BFSP2: variants seen among roughly 807,000 people sequenced by gnomAD.
The protein encoded by BFSP2 is beaded filament structural protein 2.
BFSP2 carries 38 observed loss-of-function variants against 44.9 expected under a neutral mutation model. That is an observed-to-expected ratio of 0.85 (90% CI 0.65 to 1.11). The LOEUF (loss-of-function observed/expected upper bound fraction) is 1.11. Ranked by LOEUF, BFSP2 falls within the 50% of genes least tolerant of loss-of-function variation. BFSP2 has a pLI of 0.00. For missense variants in BFSP2, 525 were observed against 533.0 expected (o/e 0.99, Z 0.15); for synonymous variants, 197 against 209.9 (o/e 0.94, Z 0.53).
chr3:133,447,142 TC>T (rs2073910124), intron 1 of BFSP2, among the ~76,000 whole-genome samples, 174 bp from the exon 2 acceptor site: 1 of 152,130 alleles, frequency 6.6e-6, no homozygotes, highest in Admixed American at 6.5e-5. Context: ...ATTATTTATA[TC>T]CCCCCACCCT....
At chr3:133,471,486 T>A (rs1027396607) in intron 5 of BFSP2, among the ~76,000 whole-genome samples, 8 of 152,198 alleles carry the variant, frequency 5.3e-5, no homozygotes, top group Non-Finnish European at 1.2e-4. Flanking sequence ...GCCAGCAGGT[T>A]CAGGAGGCAG....
intron 4 of BFSP2, 90 bp downstream of exon 4, chr3:133,450,554 T>A: frequency 6.8e-7 from 1 of 1,473,218 alleles, no homozygotes; most frequent in Non-Finnish European, 9.5e-7. Context: ...GACGAAGAAA[T>A]AACAACGGTT....
intron 1 of BFSP2, among the ~76,000 whole-genome samples, chr3:133,408,150 C>T (rs1253422177): frequency 2.6e-5 from 4 of 151,810 alleles, no homozygotes; most frequent in Admixed American, 6.6e-5. Context: ...CTATTTTATA[C>T]ACAGCATTTA....
At chr3:133,429,224 T>C (rs2073684036) in intron 1 of BFSP2, 1 of 152,150 alleles carries the variant, frequency 6.6e-6, no homozygotes, top group South Asian at 2.1e-4. Flanking sequence ...TTAAACTTTA[T>C]GTTAAATTGT....
chr3:133,415,777 CCA>C (rs1312915962), intron 1 of BFSP2, among the ~76,000 whole-genome samples: 1 of 139,988 alleles, frequency 7.1e-6, no homozygotes, highest in African/African-American at 2.7e-5. Flanking sequence ...CATCTCCCCT[CCA>C]CTTACCCTTC....
intron 4 of BFSP2, among the ~76,000 whole-genome samples, chr3:133,451,588 T>A (rs2073966505): frequency 6.6e-6 from 1 of 152,246 alleles, no homozygotes; most frequent in Non-Finnish European, 1.5e-5. Context: ...CACTTCCTGG[T>A]ATATACAGTA....
chr3:133,431,622 C>A (rs1003564545), intron 1 of BFSP2, among the ~76,000 whole-genome samples: 5 of 152,168 alleles, frequency 3.3e-5, no homozygotes, highest in African/African-American at 1.2e-4. Context: ...CCTCAGAAGC[C>A]CCGCAGACCA....
At chr3:133,451,701 C>G (rs905516761) in intron 4 of BFSP2, among the ~76,000 whole-genome samples, 4 of 152,226 alleles carry the variant, frequency 2.6e-5, no homozygotes, top group Admixed American at 6.5e-5. Flanking sequence ...ATGGATCAGT[C>G]TGACACTTTG....
At chr3:133,429,238 A>G (rs1019470911) in intron 1 of BFSP2, 3 of 152,052 alleles carry the variant, frequency 2.0e-5, no homozygotes, top group Non-Finnish European at 2.9e-5. Flanking sequence ...AAATTGTGTT[A>G]TACTGTGTAT....
intron 1 of BFSP2, chr3:133,412,230 G>C (rs1349694700): frequency 1.3e-5 from 2 of 152,138 alleles, no homozygotes; most frequent in South Asian, 2.1e-4. Flanking sequence ...TGCATATATG[G>C]GGGTCCACTA....
Position 133,474,974 on chromosome 3 carries a change from G to A in BFSP2, c.*2G>A, listed in dbSNP as rs763049185. On this transcript the variant is annotated 3_prime_UTR_variant, in exon 7 of 7. Coordinates refer to ENST00000302334, the MANE Select transcript of BFSP2 (RefSeq NM_003571.4). The stretch of plus-strand genomic sequence containing the variant: ...TCCTATGTGTTTCCTTTCAGCTGAT[G>A]GAGAAACTTCCTCTTTTTCATGAAG... 2 of 1,614,156 alleles carry A rather than the reference G, an allele frequency of 1.2e-6. No individual in the cohort carries two copies. The highest frequency in any genetic ancestry group is 1.7e-6 in the Non-Finnish European group (2 of 1,180,006).
chr3:133,413,092 C>T (rs1466383958), intron 1 of BFSP2, among the ~76,000 whole-genome samples: 1 of 152,128 alleles, frequency 6.6e-6, no homozygotes, highest in Non-Finnish European at 1.5e-5. Flanking sequence ...GGTGAGAGGG[C>T]TGGGGCTGGA....
intron 1 of BFSP2, among the ~76,000 whole-genome samples, chr3:133,428,909 T>C (rs908516891): frequency 1.3e-5 from 2 of 152,270 alleles, no homozygotes; most frequent in African/African-American, 2.4e-5. Context: ...TAGTTTTCTT[T>C]TCCAAGTTGA....
At chr3:133,446,153 G>T (rs1559973553) in intron 1 of BFSP2, among the ~76,000 whole-genome samples, 2 of 152,148 alleles carry the variant, frequency 1.3e-5, no homozygotes, top group Non-Finnish European at 2.9e-5. Context: ...GGGTTTGGTG[G>T]CTTACACCTG....
intron 5 of BFSP2, among the ~76,000 whole-genome samples, chr3:133,471,630 C>T (rs1372679933): frequency 3.9e-5 from 6 of 151,986 alleles, no homozygotes; most frequent in Non-Finnish European, 8.8e-5. Flanking sequence ...GGCCTGGAGA[C>T]GACTCATGAG....
chr3:133,415,467 C>T (rs2073513673), intron 1 of BFSP2, among the ~76,000 whole-genome samples: 1 of 130,576 alleles, frequency 7.7e-6, no homozygotes, highest in Non-Finnish European at 1.6e-5. Context: ...CCTGTCCTCT[C>T]CCCTCTACTC....
At chr3:133,433,857 C>G (rs568218912) in intron 1 of BFSP2, among the ~76,000 whole-genome samples, 1 of 152,216 alleles carries the variant, frequency 6.6e-6, no homozygotes, top group Admixed American at 6.5e-5. Context: ...GGCCTGTCCT[C>G]GGAATGCTAC....
chr3:133,460,144 G>C (rs1323156531), intron 4 of BFSP2, among the ~76,000 whole-genome samples: 1 of 152,222 alleles, frequency 6.6e-6, no homozygotes, highest in Non-Finnish European at 1.5e-5. Flanking sequence ...CACAAAAGCA[G>C]AGCCAGCCAA....
chr3:133,409,767 A>T (rs1451610683), intron 1 of BFSP2, among the ~76,000 whole-genome samples: 1 of 152,210 alleles, frequency 6.6e-6, no homozygotes, highest in Non-Finnish European at 1.5e-5. Flanking sequence ...AGTAAGGTGA[A>T]CAAGAAGACA....
Sources: gnomAD v4.1 joint callset for allele counts (sites outside exome capture counted in the v4.1 genomes callset) on GRCh38, gnomAD v4.1.1 for gene constraint, MANE v1.5 for transcripts, NCBI Gene and HGNC (gene_info 2026-07-23, HGNC 2026-07-21) for gene names.